Variants in PPEF2 observed in about 807,000 individuals in gnomAD.
PPEF2 encodes the protein protein phosphatase with EF-hand domain 2.
In PPEF2, 84 loss-of-function variants were observed where a neutral mutation model predicts 84.7. That is an observed-to-expected ratio of 0.99 (90% CI 0.83 to 1.19). The LOEUF (loss-of-function observed/expected upper bound fraction) is 1.19. Ranked by LOEUF, PPEF2 falls within the 50% of genes most tolerant of loss-of-function variation. The probability of loss-of-function intolerance (pLI) is 0.00; values close to 1 mark genes in which losing one functional copy is unlikely to be tolerated. For synonymous variants in PPEF2, 346 were observed against 345.2 expected (o/e 1.00, Z -0.03); for missense variants, 924 against 937.5 (o/e 0.99, Z 0.19).
rs1724775593 is a variant in PPEF2, at chr4:75,888,063, T to C, written c.532+151A>G. On this transcript the variant is annotated intron_variant, in intron 6 of 16. Coordinates refer to ENST00000286719, the MANE Select transcript of PPEF2 (RefSeq NM_006239.3). ...CCACCACCTCTTTTTTAGGTAAATG[T>C]GGAGTGAATATGCAAATTGTGGACC... 2.6e-5 allele frequency: 16 copies of C among 614,178 alleles called. No homozygotes were observed. The South Asian group carries it at 3.1e-4, about 12-fold the overall frequency. 38.0% of individuals were successfully genotyped at this position (614,178 alleles called of 1,614,324 possible).
In PPEF2 at chr4:75,902,216, C is replaced by T. The variant is rs1339480653; in HGVS notation, c.-59+14G>A. The T allele has an allele frequency of 1.3e-5, 2 of 152,226 alleles. No homozygotes were observed. The highest frequency in any genetic ancestry group is 6.5e-5 in the Admixed American group (1 of 15,278). 9.4% of individuals were successfully genotyped at this position (152,226 alleles called of 1,614,324 possible). A position where few individuals can be genotyped will look rare whatever the true frequency, so the allele number is the denominator to read the frequency against. ...TCACCCATTTCTACTTTAGGCTAGA[C>T]AGAAAGTTCTTACCTTCTTTGCTGG... On this transcript the variant is annotated intron_variant, in intron 1 of 16. Transcript: ENST00000286719.
chr4:75,892,087 C>G (rs188938062), intron 2 of PPEF2, 109 bp from the exon 3 acceptor site: 1 of 1,388,552 alleles, frequency 7.2e-7, no homozygotes, highest in East Asian at 2.3e-5. Context: ...TATGTGAGGA[C>G]AAGATGGAGC....
At chr4:75,891,191 AAG>A (rs1464866135) in intron 4 of PPEF2, among the ~76,000 whole-genome samples, 41 of 143,918 alleles carry the variant, frequency 2.8e-4, no homozygotes, top group African/African-American at 1.1e-3. Flanking sequence ...AAAAAAAAAA[AAG>A]AAAAGAAAAG....
In PPEF2 at chr4:75,890,043, G is replaced by A. The variant is rs746120210; in HGVS notation, c.331C>T (p.Pro111Ser). The change falls in exon 5 of 17, where the codon CCC becomes TCC. Residue 111 changes from proline to serine, a missense_variant. Physicochemically the swap from Pro to Ser is moderately conservative, Grantham distance 74. Transcript: ENST00000286719. ...AGGCGTGGCCCCGTGTAACTGTCGG[G>A]TACCTCTATGGATTCATAGTCACTG... The part of the protein sequence containing the change: ...KCSDYESIEV[P>S]DSYTGPRLSF... The A allele has an allele frequency of 1.9e-6, 3 of 1,614,102 alleles. No individual in the cohort carries two copies. Among genetic ancestry groups the A allele is most frequent in the Non-Finnish European group, 1.7e-6 (2 of 1,179,998 alleles).
Position 75,871,998 on chromosome 4 carries a change from TGAAAATCAC to T in PPEF2, c.1649+18_1649+26del. ...CTATGAACACTATAATTTTTTTTTC[TGAAAATCAC>T]TCATTGAAAAGTCTTGCCTTTGCCT... On this transcript the variant is annotated intron_variant, in intron 13 of 16. Transcript: ENST00000286719. 1.3e-6 allele frequency: 2 copies of T among 1,553,366 alleles called. No homozygotes were observed. The highest frequency in any genetic ancestry group is 2.1e-5 in the Admixed American group (1 of 47,098).
At chr4:75,874,622 A>G (rs1724364009) in intron 11 of PPEF2, among the ~76,000 whole-genome samples, 1 of 152,148 alleles carries the variant, frequency 6.6e-6, no homozygotes. Context: ...TTCTAAAAGT[A>G]CTTTTGTAAA....
chr4:75,901,377 A>G (rs1274071568), intron 1 of PPEF2, among the ~76,000 whole-genome samples: 1 of 152,088 alleles, frequency 6.6e-6, no homozygotes, highest in Non-Finnish European at 1.5e-5. Context: ...TTAGCTGGGC[A>G]TGGTGGCACA....
At chr4:75,890,268 T>G in intron 4 of PPEF2, 136 bp from the exon 5 acceptor site, 1 of 929,972 alleles carries the variant, frequency 1.1e-6, no homozygotes, top group Non-Finnish European at 1.6e-6. Flanking sequence ...GGAGGATTGC[T>G]TGAGCCCAGG....
In PPEF2 at chr4:75,860,397, A is replaced by G. The variant is rs1723965139; in HGVS notation, c.*270T>C. ...AGAGTTACATTGTCAGTGGTTCTTA[A>G]CTGAAGTGGACTTTAGAATTTGAAA... On this transcript the variant is annotated 3_prime_UTR_variant, in exon 17 of 17. Coordinates refer to ENST00000286719, the MANE Select transcript of PPEF2 (RefSeq NM_006239.3). 2 of 459,720 alleles carry G rather than the reference A, an allele frequency of 4.4e-6. No individual in the cohort carries two copies. The highest frequency in any genetic ancestry group is 7.6e-5 in the Admixed American group (2 of 26,486). 28.5% of individuals were successfully genotyped at this position (459,720 alleles called of 1,614,324 possible). A position where few individuals can be genotyped will look rare whatever the true frequency, so the allele number is the denominator to read the frequency against.
chr4:75,897,209 T>C (rs1209533423), intron 1 of PPEF2, among the ~76,000 whole-genome samples: 1 of 152,176 alleles, frequency 6.6e-6, no homozygotes, highest in Non-Finnish European at 1.5e-5. Flanking sequence ...TAAACTCTTA[T>C]GTTTACTCCC....
rs1257914338 is a variant in PPEF2, at chr4:75,860,075, G to A, written c.*592C>T. On this transcript the variant is annotated 3_prime_UTR_variant, in exon 17 of 17. Transcript: ENST00000286719. ...ATAAAAAGTATAAAATAGGCTGGGT[G>A]CGGTGGCTCATGCCTGTAATCCCAG... 6.6e-6 allele frequency: 1 copy of A among 152,274 alleles called. No homozygotes were observed. Among genetic ancestry groups the A allele is most frequent in the Non-Finnish European group, 1.5e-5 (1 of 68,096 alleles). The allele number at this position is 152,274 out of a possible 1,614,324, so 9.4% of individuals were successfully genotyped here. A position where few individuals can be genotyped will look rare whatever the true frequency, so the allele number is the denominator to read the frequency against.
Position 75,884,619 on chromosome 4 carries a change from G to T in PPEF2, c.721C>A (p.His241Asn). The T allele has an allele frequency of 1.2e-6, 2 of 1,609,362 alleles. No individual in the cohort carries two copies. The highest frequency in any genetic ancestry group is 1.7e-6 in the Non-Finnish European group (2 of 1,178,904). ...PKEFHLNRGN[H>N]EDHMVNLRYG... ...CGTAAGTTCACCATATGGTCCTCAT[G>T]GTTTCCTCTGTTAAGATGGAACTCT... Residue 241 changes from histidine to asparagine, a missense_variant, in exon 8 of 17, where the codon CAT becomes AAT. By Grantham distance (68) the His-to-Asn change is moderately conservative. Transcript: ENST00000286719.
chr4:75,877,670 C>G (rs11097161), intron 10 of PPEF2, among the ~76,000 whole-genome samples: 1 of 151,654 alleles, frequency 6.6e-6, no homozygotes, highest in Non-Finnish European at 1.5e-5. Flanking sequence ...TATTTCCTTT[C>G]TCTTTTTTTT....
chr4:75,867,474 T>C, intron 13 of PPEF2, 55 bp from the exon 14 acceptor site: 2 of 1,273,788 alleles, frequency 1.6e-6, no homozygotes, highest in Non-Finnish European at 2.3e-6. Flanking sequence ...AAAAAATACT[T>C]AGAGATTTTA....
rs752058378 is a variant in PPEF2, at chr4:75,882,983, A to C, written c.876T>G (p.His292Gln). ...GATCAGTTATGTCTGACACCCCACC[A>C]TGAAGAATTAGAACTTTCTCATCTA... is the stretch of plus-strand genomic sequence containing the variant. The part of the protein sequence containing the change: ...TLIDEKVLIL[H>Q]GGVSDITDLE... The change falls in exon 10 of 17, where the codon CAT (histidine) becomes CAG (glutamine). Residue 292 changes from histidine to glutamine, a missense_variant. Transcript: ENST00000286719. The C allele has an allele frequency of 6.2e-7, 1 of 1,614,238 alleles. No homozygotes were observed. Among genetic ancestry groups the C allele is most frequent in the East Asian group, 2.2e-5 (1 of 44,882 alleles).
intron 8 of PPEF2, chr4:75,883,457 A>C (rs555853314): frequency 1.8e-4 from 93 of 509,218 alleles, no homozygotes; most frequent in African/African-American, 1.7e-3. Context: ...TATTTATATG[A>C]TAGAGTATGT....
chr4:75,876,454 C>T lies in PPEF2; in HGVS notation c.1153G>A (p.Glu385Lys), dbSNP rs1187583353. The T allele has an allele frequency of 6.2e-7, 1 of 1,613,936 alleles. No individual in the cohort carries two copies. The highest frequency in any genetic ancestry group is 8.5e-7 in the Non-Finnish European group (1 of 1,179,964). Residue 385 changes from glutamate to lysine, a missense_variant, in exon 11 of 17, where the codon GAG (glutamate) becomes AAG (lysine). By Grantham distance (56) the Glu-to-Lys change is moderately conservative (BLOSUM62 1). Coordinates refer to ENST00000286719, the MANE Select transcript of PPEF2 (RefSeq NM_006239.3). ...GAGCTCCGCACCTGCCGGGAGAGCT[C>T]CCGCCCGTCCAGGGAACCGCTGCAG... ...IPCSGSLDGR[E>K]LSRQVRSSVE...
intron 10 of PPEF2, among the ~76,000 whole-genome samples, chr4:75,882,325 T>C (rs1306470401): frequency 6.6e-6 from 1 of 152,212 alleles, no homozygotes; most frequent in Admixed American, 6.5e-5. Context: ...AGGCACTAAA[T>C]ACATATTTCT....
At chr4:75,884,818 G>A in intron 7 of PPEF2, 58 bp from the exon 8 acceptor site, 4 of 1,410,260 alleles carry the variant, frequency 2.8e-6, no homozygotes, top group Non-Finnish European at 2.9e-6. Flanking sequence ...AGGAAATCAG[G>A]TTAAAACCAA....
Sources: allele counts gnomAD v4.1 joint callset (sites outside exome capture counted in the v4.1 genomes callset), GRCh38; gene constraint gnomAD v4.1.1; transcripts MANE v1.5; gene names NCBI Gene and HGNC (gene_info 2026-07-23, HGNC 2026-07-21).